The following PON3 variants were observed in gnomAD, a reference collection of about 807,000 sequenced individuals.
PON3 encodes the protein paraoxonase 3.
In PON3, 37 loss-of-function variants were observed where a neutral mutation model predicts 36.3. The ratio of observed to expected loss-of-function variants is 1.02; its 90% CI spans 0.78 to 1.34. PON3 has a LOEUF of 1.34. PON3 is among the 40% of genes most tolerant of loss of function. The probability of loss-of-function intolerance (pLI) is 0.00; values close to 1 mark genes in which losing one functional copy is unlikely to be tolerated. For missense variants in PON3, 415 were observed against 426.5 expected, an observed-to-expected ratio of 0.97 and a Z score of 0.24; for synonymous variants, 155 against 154.8, an observed-to-expected ratio of 1.00 and a Z score of -0.01.
chr7:95,384,620 C>G (rs1275849314), intron 3 of PON3, among the ~76,000 whole-genome samples: 2 of 152,176 alleles, frequency 1.3e-5, no homozygotes, highest in African/African-American at 4.8e-5. Flanking sequence ...CACTGGCCAT[C>G]AGAGAAATGC....
intron 2 of PON3, among the ~76,000 whole-genome samples, chr7:95,391,915 A>G (rs1165698668): frequency 6.6e-6 from 1 of 152,240 alleles, no homozygotes; most frequent in Non-Finnish European, 1.5e-5. Flanking sequence ...TCAGAAAGTT[A>G]GTGTTACACA....
At chr7:95,396,137 G>C (rs1378208896) in intron 1 of PON3, 140 bp downstream of exon 1, 25 of 916,250 alleles carry the variant, frequency 2.7e-5, no homozygotes, top group Non-Finnish European at 2.7e-5. Context: ...TCAAGGGGCG[G>C]TTTGCTGGGT....
intron 2 of PON3, among the ~76,000 whole-genome samples, chr7:95,390,660 G>C (rs1477216805): frequency 6.6e-6 from 1 of 152,046 alleles, no homozygotes; most frequent in Non-Finnish European, 1.5e-5. Context: ...AGCCTAAAAC[G>C]CTACATTATA....
rs1020229638 is a variant in PON3 at position 95,372,241 on chromosome 7, A to C, written c.299T>G (p.Leu100Arg). The C allele has an allele frequency of 2.5e-6, 4 of 1,613,754 alleles. No homozygotes were observed. The highest frequency in any genetic ancestry group is 2.5e-6 in the Non-Finnish European group (3 of 1,179,830). The stretch of plus-strand genomic sequence containing the variant: ...TTTGTCAAATCCACCACTGATTTCT[A>C]GCGCTTGTGCCCTTGGGTTTTGTTC... ...LNEQNPRAQA[L>R]EISGGFDKEL... Residue 100 changes from leucine to arginine, a missense_variant, in exon 4 of 9, where the codon CTA becomes CGA. Coordinates refer to ENST00000265627, the MANE Select transcript of PON3 (RefSeq NM_000940.3).
intron 1 of PON3, 165 bp downstream of exon 1, chr7:95,396,111 TC>T (rs1229758287): frequency 2.7e-6 from 2 of 741,932 alleles, no homozygotes; most frequent in East Asian, 2.6e-5. Context: ...TAGCTCACTT[TC>T]CCCATAAGCG....
intron 4 of PON3, 132 bp from the exon 5 acceptor site, chr7:95,367,620 A>T: frequency 2.1e-6 from 2 of 932,540 alleles, no homozygotes; most frequent in African/African-American, 1.6e-5. Flanking sequence ...AGTCTACATG[A>T]TAGGTAAGTC....
intron 5 of PON3, chr7:95,365,171 C>T (rs1033684016): frequency 6.6e-6 from 1 of 152,240 alleles, no homozygotes; most frequent in African/African-American, 2.4e-5. Flanking sequence ...TTATCAATGC[C>T]TGTGCCAGTG....
intron 3 of PON3, among the ~76,000 whole-genome samples, chr7:95,379,391 G>A (rs150406093): frequency 0.028 from 4,261 of 152,326 alleles, 115 homozygotes; most frequent in African/African-American, 0.068. Flanking sequence ...AGTGTGAGCC[G>A]AAGCAGGGTG....
chr7:95,382,580 T>C (rs998176245), intron 3 of PON3, among the ~76,000 whole-genome samples: 1 of 152,144 alleles, frequency 6.6e-6, no homozygotes, highest in African/African-American at 2.4e-5. Flanking sequence ...AACACATCTA[T>C]GCAAATAAAC....
intron 6 of PON3, 150 bp downstream of exon 6, chr7:95,363,713 G>T: frequency 1.3e-6 from 1 of 790,692 alleles, no homozygotes. Flanking sequence ...TGCTTAGGAT[G>T]ACAGATTTAG....
chr7:95,366,500 CTTTCT>C (rs1006399764), intron 5 of PON3, among the ~76,000 whole-genome samples: 10 of 152,172 alleles, frequency 6.6e-5, no homozygotes, highest in African/African-American at 2.4e-4. Flanking sequence ...AGAAGATGAA[CTTTCT>C]TTTCTTTTCC....
At chr7:95,380,502 CT>C (rs1809022877) in intron 3 of PON3, among the ~76,000 whole-genome samples, 1 of 152,078 alleles carries the variant, frequency 6.6e-6, no homozygotes, top group African/African-American at 2.4e-5. Flanking sequence ...CAGAGAAGTC[CT>C]TAAAGGACCT....
At chr7:95,391,366 G>A (rs1809314130) in intron 2 of PON3, among the ~76,000 whole-genome samples, 2 of 152,194 alleles carry the variant, frequency 1.3e-5, no homozygotes, top group Admixed American at 1.3e-4. Context: ...AAGTCCTACT[G>A]AAGTATTCAT....
chr7:95,388,469 G>C (rs1292303438), intron 3 of PON3, among the ~76,000 whole-genome samples: 1 of 152,154 alleles, frequency 6.6e-6, no homozygotes, highest in Non-Finnish European at 1.5e-5. Context: ...GGAGAAATAG[G>C]AACACTTTTA....
chr7:95,384,058 C>A (rs1466416932), intron 3 of PON3, among the ~76,000 whole-genome samples: 1 of 152,136 alleles, frequency 6.6e-6, no homozygotes, highest in Non-Finnish European at 1.5e-5. Context: ...CACACATCTA[C>A]AACTATCTGA....
intron 2 of PON3, 38 bp from the exon 3 acceptor site, chr7:95,390,247 G>T: frequency 2.0e-6 from 3 of 1,510,014 alleles, no homozygotes; most frequent in Non-Finnish European, 2.8e-6. Context: ...ATGCATATAT[G>T]AAGGCTTAAA....
At chr7:95,364,112 T>C (rs1156578041) in intron 5 of PON3, 49 bp from the exon 6 acceptor site, 2 of 1,431,444 alleles carry the variant, frequency 1.4e-6, no homozygotes, top group East Asian at 4.5e-5. Context: ...TATTTAAATA[T>C]CCTTTATCCT....
chr7:95,365,540 A>C (rs1808671869), intron 5 of PON3: 1 of 152,216 alleles, frequency 6.6e-6, no homozygotes, highest in South Asian at 2.1e-4. Context: ...ACTGGAGGAT[A>C]AGTCCATGAT....
chr7:95,389,220 A>C (rs1471471805), intron 3 of PON3, among the ~76,000 whole-genome samples: 1 of 152,220 alleles, frequency 6.6e-6, no homozygotes, highest in African/African-American at 2.4e-5. Context: ...GACTAGCACC[A>C]GTTCCAGCAG....
Sources: gnomAD v4.1 joint callset for allele counts (sites outside exome capture counted in the v4.1 genomes callset) on GRCh38, gnomAD v4.1.1 for gene constraint, MANE v1.5 for transcripts, NCBI Gene and HGNC (gene_info 2026-07-23, HGNC 2026-07-21) for gene names.